The following GRIA1 variants were observed in gnomAD, a reference collection of about 807,000 sequenced individuals.
The protein encoded by GRIA1 is glutamate receptor 1.
Under a neutral mutation model 99.2 loss-of-function variants are expected in GRIA1, and 31 were observed. The ratio of observed to expected loss-of-function variants is 0.31; its 90% CI spans 0.23 to 0.42. The LOEUF is 0.42. Ranked by LOEUF, GRIA1 falls within the 10% of genes least tolerant of loss-of-function variation. GRIA1 has a pLI of 1.00. For synonymous variants in GRIA1, 438 were observed against 432.4 expected (o/e 1.01, Z -0.16); for missense variants, 782 against 1,157.5 (o/e 0.68, Z 4.71).
At chr5:153,620,882 C>A (rs954581151) in intron 2 of GRIA1, among the ~76,000 whole-genome samples, 1 of 152,142 alleles carries the variant, frequency 6.6e-6, no homozygotes, top group Non-Finnish European at 1.5e-5. Context: ...CTGTGGTAAT[C>A]AAAACAAATC....
At chr5:153,723,012 AC>A (rs1340630661) in intron 11 of GRIA1, among the ~76,000 whole-genome samples, 1 of 152,250 alleles carries the variant, frequency 6.6e-6, no homozygotes, top group Non-Finnish European at 1.5e-5. Flanking sequence ...TAGCATCCAA[AC>A]TTGGAGCATG....
chr5:153,794,185 G>A (rs1765486839), intron 13 of GRIA1, among the ~76,000 whole-genome samples: 1 of 152,106 alleles, frequency 6.6e-6, no homozygotes, highest in South Asian at 2.1e-4. Context: ...GGTGAGCCAG[G>A]TGCCTTCCCC....
chr5:153,708,379 C>G (rs1759068271), intron 11 of GRIA1, among the ~76,000 whole-genome samples: 1 of 152,100 alleles, frequency 6.6e-6, no homozygotes, highest in African/African-American at 2.4e-5. Flanking sequence ...TCAAACTATG[C>G]TTTCCGGACT....
intron 2 of GRIA1, among the ~76,000 whole-genome samples, chr5:153,593,274 TA>T (rs1342570037): frequency 6.6e-6 from 1 of 151,932 alleles, no homozygotes; most frequent in Non-Finnish European, 1.5e-5. Flanking sequence ...CTCAAAAAAA[TA>T]AAAAATAATA....
intron 2 of GRIA1, among the ~76,000 whole-genome samples, chr5:153,616,251 T>C (rs1581337028): frequency 6.6e-6 from 1 of 152,200 alleles, no homozygotes; most frequent in South Asian, 2.1e-4. Context: ...TTTTCAAACA[T>C]GGTACAATTT....
chr5:153,606,679 ATTGT>A (rs1282296277), intron 2 of GRIA1, among the ~76,000 whole-genome samples: 2 of 151,894 alleles, frequency 1.3e-5, no homozygotes, highest in Admixed American at 6.6e-5. Flanking sequence ...TTATGTCATA[ATTGT>A]TTGGCGCTGG....
chr5:153,663,349 G>A (rs1755510706), intron 5 of GRIA1, among the ~76,000 whole-genome samples: 1 of 152,222 alleles, frequency 6.6e-6, no homozygotes, highest in South Asian at 2.1e-4. Context: ...GGGCCACACT[G>A]CCCAAACTGG....
chr5:153,578,170 A>AAAAAAAAG (rs1561658005), intron 2 of GRIA1, among the ~76,000 whole-genome samples: 22 of 119,330 alleles, frequency 1.8e-4, no homozygotes, highest in African/African-American at 6.2e-4. Context: ...AAAAAAAAAA[A>AAAAAAAAG]AAAGAAAGAA....
intron 5 of GRIA1, among the ~76,000 whole-genome samples, chr5:153,657,200 C>T (rs117880362): frequency 6.6e-6 from 1 of 152,030 alleles, no homozygotes; most frequent in Non-Finnish European, 1.5e-5. Flanking sequence ...TAATATATAC[C>T]TAGGCATGGA....
chr5:153,676,925 A>T (rs1249041695), intron 6 of GRIA1, 69 bp from the exon 7 acceptor site: 2 of 1,271,136 alleles, frequency 1.6e-6, no homozygotes, highest in Non-Finnish European at 2.0e-6. Flanking sequence ...ACATTCCCAA[A>T]TACAGCACCC....
chr5:153,519,098 A>C (rs555170222), intron 2 of GRIA1, among the ~76,000 whole-genome samples: 3 of 152,226 alleles, frequency 2.0e-5, no homozygotes, highest in East Asian at 1.9e-4. Context: ...CCCCGTCTCT[A>C]CCAAAAATAC....
intron 2 of GRIA1, among the ~76,000 whole-genome samples, chr5:153,628,903 G>C (rs565675673): frequency 6.6e-6 from 1 of 152,278 alleles, no homozygotes; most frequent in South Asian, 2.1e-4. Context: ...TTAGAATTCT[G>C]TCGTGTCTAC....
intron 11 of GRIA1, among the ~76,000 whole-genome samples, chr5:153,709,901 G>C (rs953890038): frequency 6.6e-6 from 1 of 152,146 alleles, no homozygotes; most frequent in Admixed American, 6.5e-5. Flanking sequence ...GGTAGGAATC[G>C]ATATTGGGGG....
chr5:153,633,566 G>C lies in GRIA1; in HGVS notation c.221-13362G>C, dbSNP rs148389625. Among the ~76,000 whole-genome samples, 146 of 152,322 alleles carry C rather than the reference G, an allele frequency of 9.6e-4. 1 individual carries two copies. The East Asian group carries it at 0.026, about 27-fold the overall frequency. The stretch of plus-strand genomic sequence containing the variant: ...GGTTGAAATTGTCCAGGAGGCCTGA[G>C]TTTTGGTCCCTGGGCTGGGCAGCAT... On this transcript the variant is annotated intron_variant, in intron 2 of 15. Coordinates refer to ENST00000285900, the MANE Select transcript of GRIA1 (RefSeq NM_000827.4).
intron 2 of GRIA1, among the ~76,000 whole-genome samples, chr5:153,637,949 AAG>A (rs1753498796): frequency 6.6e-6 from 1 of 152,218 alleles, no homozygotes; most frequent in Non-Finnish European, 1.5e-5. Flanking sequence ...CTCTTCCTTC[AAG>A]TGGGCTTAAA....
chr5:153,783,932 G>A (rs1248956409), intron 13 of GRIA1, among the ~76,000 whole-genome samples: 1 of 152,202 alleles, frequency 6.6e-6, no homozygotes, highest in African/African-American at 2.4e-5. Context: ...TCAGAAGCGT[G>A]TAAGATGACT....
intron 2 of GRIA1, among the ~76,000 whole-genome samples, chr5:153,640,332 G>T (rs547504304): frequency 6.6e-6 from 1 of 152,216 alleles, no homozygotes; most frequent in Non-Finnish European, 1.5e-5. Context: ...GATGAAGAAA[G>T]TTCTTGTGAG....
chr5:153,626,868 T>C, intron 2 of GRIA1, among the ~76,000 whole-genome samples: 1 of 152,144 alleles, frequency 6.6e-6, no homozygotes, highest in African/African-American at 2.4e-5. Flanking sequence ...GGAAATACGA[T>C]GGACAAGGGT....
chr5:153,581,901 G>A (rs1763078506), intron 2 of GRIA1, among the ~76,000 whole-genome samples: 2 of 152,014 alleles, frequency 1.3e-5, no homozygotes, highest in African/African-American at 4.8e-5. Context: ...GAGACTACAG[G>A]CACATGTCAC....
Sources: allele counts gnomAD v4.1 joint callset (sites outside exome capture counted in the v4.1 genomes callset), GRCh38; gene constraint gnomAD v4.1.1; transcripts MANE v1.5; gene names NCBI Gene and HGNC (gene_info 2026-07-23, HGNC 2026-07-21).